VAV3: variants seen among roughly 807,000 people sequenced by gnomAD.
The protein encoded by VAV3 is vav guanine nucleotide exchange factor 3, also known as guanine nucleotide exchange factor VAV3.
In VAV3, 94 loss-of-function variants were observed where a neutral mutation model predicts 131.2. The observed-to-expected ratio is 0.72, with a 90% CI of 0.61 to 0.85. The LOEUF is 0.85. Among genes scored for constraint, VAV3 ranks in the 40% least tolerant of loss-of-function variants. The pLI, the probability that VAV3 is intolerant of heterozygous loss-of-function variation, is 0.00. For missense variants in VAV3, 939 were observed against 1,002.7 expected (o/e 0.94, Z 0.86); for synonymous variants, 349 against 342.0 (o/e 1.02, Z -0.22).
intron 3 of VAV3, among the ~76,000 whole-genome samples, chr1:107,778,936 A>G (rs1665528432): frequency 6.6e-6 from 1 of 152,152 alleles, no homozygotes; most frequent in South Asian, 2.1e-4. Flanking sequence ...ATGACATACT[A>G]TATTTAACCA....
chr1:107,679,773 G>A (rs1658473177), intron 19 of VAV3, among the ~76,000 whole-genome samples: 1 of 152,118 alleles, frequency 6.6e-6, no homozygotes. Context: ...ATGATCTCAT[G>A]TTCTTGAAAA....
At chr1:107,717,978 T>G (rs908869465) in intron 15 of VAV3, among the ~76,000 whole-genome samples, 7 of 152,184 alleles carry the variant, frequency 4.6e-5, no homozygotes, top group African/African-American at 1.7e-4. Flanking sequence ...AATTGATCCC[T>G]TTACCATTAT....
intron 1 of VAV3, chr1:107,963,596 T>C (rs1675250751): frequency 1.3e-5 from 2 of 152,176 alleles, no homozygotes; most frequent in South Asian, 4.1e-4. Context: ...TTTAAATACA[T>C]ACTTATTAAA....
chr1:107,698,874 G>A (rs1659905137), intron 17 of VAV3, among the ~76,000 whole-genome samples: 1 of 152,130 alleles, frequency 6.6e-6, no homozygotes, highest in South Asian at 2.1e-4. Context: ...AAAACCATCA[G>A]ATCTCCTGAG....
chr1:107,809,660 C>G lies in VAV3; in HGVS notation c.322-30168G>C, dbSNP rs188408232. ...TGAAAGAAGATATTCAAACAACATT[C>G]CAAAACAATAGCATAAAATCACTAT... On this transcript the variant is annotated intron_variant, in intron 2 of 26. Coordinates refer to ENST00000370056, the MANE Select transcript of VAV3 (RefSeq NM_006113.5). 4.7e-4 allele frequency among the ~76,000 whole-genome samples: 72 copies of G among 152,224 alleles called. 1 individual carries two copies. In the East Asian group the frequency reaches 0.013, roughly 27 times the overall value.
At chr1:107,851,016 A>G (rs1026299596) in intron 2 of VAV3, among the ~76,000 whole-genome samples, 11 of 152,132 alleles carry the variant, frequency 7.2e-5, no homozygotes, top group Non-Finnish European at 1.3e-4. Flanking sequence ...AAAGAGCAGC[A>G]GGGGCCCAAG....
At chr1:107,663,994 C>G (rs1401841890) in intron 19 of VAV3, among the ~76,000 whole-genome samples, 3 of 152,200 alleles carry the variant, frequency 2.0e-5, no homozygotes, top group Non-Finnish European at 4.4e-5. Flanking sequence ...AAATGTAATG[C>G]TTTTCATTAT....
chr1:107,879,210 C>G (rs1571082873), intron 1 of VAV3, among the ~76,000 whole-genome samples: 1 of 152,270 alleles, frequency 6.6e-6, no homozygotes, highest in East Asian at 1.9e-4. Flanking sequence ...TCAGCCATTT[C>G]TCCAAATAAG....
At chr1:107,770,789 A>C in intron 5 of VAV3, 61 bp from the exon 6 acceptor site, 1 of 1,366,382 alleles carries the variant, frequency 7.3e-7, no homozygotes, top group East Asian at 2.3e-5. Flanking sequence ...CCTATCGGGA[A>C]GTAGAGATCA....
intron 1 of VAV3, among the ~76,000 whole-genome samples, chr1:107,924,818 A>C (rs750575359): frequency 1.4e-4 from 21 of 152,216 alleles, no homozygotes; most frequent in Non-Finnish European, 2.5e-4. Flanking sequence ...AACATAGAAC[A>C]ACACAACGAT....
chr1:107,590,288 A>G (rs539631309), intron 25 of VAV3, among the ~76,000 whole-genome samples: 9 of 152,316 alleles, frequency 5.9e-5, no homozygotes, highest in African/African-American at 1.7e-4. Context: ...GCACTCTAAT[A>G]TCTGCTGTGT....
At chr1:107,881,570 T>A (rs1422731129) in intron 1 of VAV3, among the ~76,000 whole-genome samples, 2 of 152,194 alleles carry the variant, frequency 1.3e-5, no homozygotes, top group Non-Finnish European at 2.9e-5. Context: ...AACAAAGCCA[T>A]GTGTCTTCAA....
chr1:107,749,427 A>C (rs530215142), intron 14 of VAV3, 35 bp downstream of exon 14: 34 of 1,566,128 alleles, frequency 2.2e-5, no homozygotes, highest in Non-Finnish European at 2.9e-5. Flanking sequence ...TCAAGATTAT[A>C]AGTAAATTAC....
chr1:107,869,919 C>T (rs1370273533), intron 2 of VAV3, among the ~76,000 whole-genome samples: 1 of 152,184 alleles, frequency 6.6e-6, no homozygotes, highest in African/African-American at 2.4e-5. Flanking sequence ...TCTTGAGTTA[C>T]TTCACTTAGA....
chr1:107,962,647 G>C (rs1333361700), intron 1 of VAV3, among the ~76,000 whole-genome samples: 1 of 152,146 alleles, frequency 6.6e-6, no homozygotes, highest in African/African-American at 2.4e-5. Context: ...GAACCATGAG[G>C]AAAGCAAAAA....
intron 2 of VAV3, among the ~76,000 whole-genome samples, chr1:107,844,257 A>G (rs1218897279): frequency 6.6e-6 from 1 of 151,986 alleles, no homozygotes; most frequent in Non-Finnish European, 1.5e-5. Flanking sequence ...GCCTTGAGGG[A>G]CTGTGCCACG....
chr1:107,771,310 T>G (rs1286533835), intron 5 of VAV3, among the ~76,000 whole-genome samples: 1 of 151,146 alleles, frequency 6.6e-6, no homozygotes, highest in Non-Finnish European at 1.5e-5. Flanking sequence ...TGGACAGCAG[T>G]GGCGCGATCT....
chr1:107,648,814 T>C (rs1459444483), intron 19 of VAV3, among the ~76,000 whole-genome samples: 1 of 152,062 alleles, frequency 6.6e-6, no homozygotes, highest in East Asian at 1.9e-4. Context: ...AGGTTGGTCA[T>C]TCTATGCAAC....
In VAV3 at chr1:107,874,731, T is replaced by TTGC. The variant is rs66956697; in HGVS notation, c.321+169_321+170insGCA. 1.9e-3 allele frequency among the ~76,000 whole-genome samples: 7 copies of TTGC among 3,680 alleles called. No homozygotes were observed. In the African/African-American group the frequency reaches 0.021, roughly 11 times the overall value. 2.4% of individuals were successfully genotyped at this position (3,680 alleles called of 152,430 possible). ...TTGTTGTATGTGTGGGGTTTCTTTT[T>TTGC]TGTTGTTGTTTTTTGGTTTTTGGTT... On this transcript the variant is annotated intron_variant, in intron 2 of 26. Transcript: ENST00000370056.
Sources: allele counts gnomAD v4.1 joint callset (sites outside exome capture counted in the v4.1 genomes callset), GRCh38; gene constraint gnomAD v4.1.1; transcripts MANE v1.5; gene names NCBI Gene and HGNC (gene_info 2026-07-23, HGNC 2026-07-21).